GABRA1: variants seen among roughly 807,000 people sequenced by gnomAD.
The protein encoded by GABRA1 is gamma-aminobutyric acid receptor subunit alpha-1.
Under a neutral mutation model 48.9 loss-of-function variants are expected in GABRA1, and 9 were observed. The ratio of observed to expected loss-of-function variants is 0.18; its 90% CI spans 0.11 to 0.32. The LOEUF (loss-of-function observed/expected upper bound fraction) is 0.32, where lower values mean the gene tolerates loss of function less well. Among genes scored for constraint, GABRA1 ranks in the 10% least tolerant of loss-of-function variants. The pLI is 1.00. For synonymous variants in GABRA1, 210 were observed against 198.7 expected (o/e 1.06, Z -0.48); for missense variants, 285 against 553.8 (o/e 0.51, Z 4.87).
chr5:161,897,214 C>A lies in GABRA1; in HGVS notation c.1163C>A (p.Thr388Asn). 1 of 1,614,122 alleles carries A rather than the reference C, an allele frequency of 6.2e-7. No individual in the cohort carries two copies. Among genetic ancestry groups the A allele is most frequent in the South Asian group, 1.1e-5 (1 of 91,090 alleles). The change falls in exon 10 of 10, where the codon ACC becomes AAC. Residue 388 changes from threonine (T) to asparagine (N), a missense_variant. Thr to Asn is a moderately conservative substitution (Grantham distance 65). Coordinates refer to ENST00000393943, the MANE Select transcript of GABRA1 (RefSeq NM_001127644.2). ...GCCAGGGGCGACCCGGGCTTAGCCA[C>A]CATTGCTAAAAGTGCAACCATAGAA... ...NLARGDPGLA[T>N]IAKSATIEPK...
chr5:161,864,203 T>A (rs1757966303), intron 3 of GABRA1, among the ~76,000 whole-genome samples: 1 of 152,030 alleles, frequency 6.6e-6, no homozygotes, highest in African/African-American at 2.4e-5. Context: ...AATTAATTTT[T>A]TTTTCTTTTA....
chr5:161,894,902 T>C (rs566132822), intron 8 of GABRA1, among the ~76,000 whole-genome samples: 2 of 108,202 alleles, frequency 1.8e-5, no homozygotes, highest in Non-Finnish European at 4.1e-5. Flanking sequence ...GATGAGGCAG[T>C]CTTATCAGAA....
rs562678214 is a variant in GABRA1 at position 161,851,066 on chromosome 5, T to C, written c.74+182T>C. On this transcript the variant is annotated intron_variant, in intron 2 of 9. Transcript: ENST00000393943. ...GAAACAAATCATTATGTTTGCACGT[T>C]AGTTAGAATACAATTAACAAGCCAT... 2.6e-5 allele frequency among the ~76,000 whole-genome samples: 4 copies of C among 152,332 alleles called. No homozygotes were observed. In the South Asian group the frequency reaches 8.3e-4, roughly 32 times the overall value.
At chr5:161,886,048 G>A (rs768574028) in intron 7 of GABRA1, among the ~76,000 whole-genome samples, 8 of 152,090 alleles carry the variant, frequency 5.3e-5, no homozygotes, top group Admixed American at 3.3e-4. Context: ...TCCTAGAATT[G>A]AGGTAATATT....
At chr5:161,875,735 T>C in intron 6 of GABRA1, 93 bp downstream of exon 6, 38 of 914,642 alleles carry the variant, frequency 4.2e-5, no homozygotes, top group Non-Finnish European at 6.4e-5. Context: ...GATAAGGGAA[T>C]CAAGAAAATT....
At chr5:161,847,512 CAGA>C (rs1219028489), upstream of GABRA1, 4 of 152,166 alleles carry the variant, frequency 2.6e-5, no homozygotes, top group Non-Finnish European at 4.4e-5. Context: ...CTCTAAGCTA[CAGA>C]AGAAGGTGGG....
At chr5:161,861,388 T>C (rs1451113769) in intron 3 of GABRA1, among the ~76,000 whole-genome samples, 6 of 151,884 alleles carry the variant, frequency 4.0e-5, no homozygotes, top group Admixed American at 3.9e-4. Context: ...TTTCTAAAGA[T>C]TAGCCCTATG....
At chr5:161,880,181 T>A (rs1480905587) in intron 6 of GABRA1, among the ~76,000 whole-genome samples, 1 of 152,216 alleles carries the variant, frequency 6.6e-6, no homozygotes, top group Non-Finnish European at 1.5e-5. Context: ...GTCATTTATT[T>A]TTTTCCCTCA....
At chr5:161,886,147 T>A (rs1480764253) in intron 7 of GABRA1, among the ~76,000 whole-genome samples, 1 of 152,086 alleles carries the variant, frequency 6.6e-6, no homozygotes, top group Non-Finnish European at 1.5e-5. Flanking sequence ...GTGGCAGAAC[T>A]GGGATTTGAA....
In GABRA1 at chr5:161,856,029, C is replaced by A. The variant is rs116286251; in HGVS notation, c.187+1759C>A. On this transcript the variant is annotated intron_variant, in intron 3 of 9. Coordinates refer to ENST00000393943, the MANE Select transcript of GABRA1 (RefSeq NM_001127644.2). ...ATATTATTGTTCAGAGTGCATGTAG[C>A]AAACTGTGACTGTTCATTTCCTTTT... 9.3e-3 allele frequency among the ~76,000 whole-genome samples: 1,403 copies of A among 151,406 alleles called. 28 individuals carry two copies. The highest frequency in any genetic ancestry group is 0.032 in the African/African-American group (1,315 of 41,482).
At chr5:161,875,760 C>A in intron 6 of GABRA1, 118 bp downstream of exon 6, 1 of 770,900 alleles carries the variant, frequency 1.3e-6, no homozygotes, top group Non-Finnish European at 2.3e-6. Context: ...CAGCAATATA[C>A]CACATGGACT....
At position 161,885,868 on chromosome 5, in the gene GABRA1, G is replaced by A. The variant is rs140958473; in HGVS notation, c.703+3167G>A. ...CTTTATTATTCATTCATTTATCCACGTAATCCTTAAATCACTTGTTCATTT... is the reference window on the plus strand; with the variant it reads ...CTTTATTATTCATTCATTTATCCACATAATCCTTAAATCACTTGTTCATTT... On this transcript the variant is annotated intron_variant, in intron 7 of 9. Transcript: ENST00000393943. Among the ~76,000 whole-genome samples the A allele has an allele frequency of 5.4e-4, 82 of 152,150 alleles. 2 individuals are homozygous for A. In the East Asian group the frequency reaches 0.013, roughly 23 times the overall value.
intron 8 of GABRA1, among the ~76,000 whole-genome samples, chr5:161,893,045 T>TAAAAAA (rs201703824): frequency 2.8e-4 from 24 of 86,328 alleles, no homozygotes; most frequent in South Asian, 2.1e-3. Context: ...ATAATAATAA[T>TAAAAAA]AATAAAATAA....
At chr5:161,865,868 T>C (rs1272507721) in intron 4 of GABRA1, 80 bp downstream of exon 4, 2 of 1,163,870 alleles carry the variant, frequency 1.7e-6, no homozygotes, top group Admixed American at 1.7e-5. Context: ...AACTAAGTTC[T>C]TAGGGAGCAA....
At chr5:161,881,524 C>G (rs765287852) in intron 6 of GABRA1, among the ~76,000 whole-genome samples, 5 of 152,084 alleles carry the variant, frequency 3.3e-5, no homozygotes, top group Non-Finnish European at 5.9e-5. Flanking sequence ...TGTAACTCAT[C>G]ATCATGGAAA....
rs142385746 is a variant in GABRA1 at position 161,897,401 on chromosome 5, A to T, written c.1350A>T (p.Lys450Asn). 1 of 1,614,064 alleles carries T rather than the reference A, an allele frequency of 6.2e-7. No individual in the cohort carries two copies. The highest frequency in any genetic ancestry group is 1.1e-5 in the South Asian group (1 of 91,088). The change falls in exon 10 of 10, where the codon AAA becomes AAT. Residue 450 changes from lysine to asparagine, a missense_variant. Coordinates refer to ENST00000393943, the MANE Select transcript of GABRA1 (RefSeq NM_001127644.2). ...ATYLNREPQL[K>N]APTPHQ is the part of the protein sequence containing the mutation. ...ATTTAAACAGAGAGCCTCAGCTAAA[A>T]GCCCCCACACCACATCAATAGATCT...
intron 7 of GABRA1, among the ~76,000 whole-genome samples, chr5:161,887,847 T>C (rs1754916302): frequency 6.6e-6 from 1 of 152,134 alleles, no homozygotes; most frequent in South Asian, 2.1e-4. Context: ...GATTATGTAA[T>C]TTTATCCTCA....
At chr5:161,876,069 A>G (rs191263854) in intron 6 of GABRA1, among the ~76,000 whole-genome samples, 49 of 152,242 alleles carry the variant, frequency 3.2e-4, no homozygotes, top group African/African-American at 1.1e-3. Flanking sequence ...GGCAAAGGAC[A>G]GTAAGTGTTT....
chr5:161,847,193 C>G (rs981582099), upstream of GABRA1: 1 of 152,082 alleles, frequency 6.6e-6, no homozygotes, highest in South Asian at 2.1e-4. Flanking sequence ...GGGAGGGTAA[C>G]AGAAGATGCC....
Sources: gnomAD v4.1 joint callset for allele counts (sites outside exome capture counted in the v4.1 genomes callset) on GRCh38, gnomAD v4.1.1 for gene constraint, MANE v1.5 for transcripts, NCBI Gene and HGNC (gene_info 2026-07-23, HGNC 2026-07-21) for gene names.